PDE7B: variants seen among roughly 807,000 people sequenced by gnomAD.
PDE7B encodes phosphodiesterase 7B, also known as 3',5'-cyclic-AMP phosphodiesterase 7B.
Under a neutral mutation model 56.2 loss-of-function variants are expected in PDE7B, and 29 were observed. The ratio of observed to expected loss-of-function variants is 0.52; its 90% confidence interval spans 0.38 to 0.70. The LOEUF (loss-of-function observed/expected upper bound fraction) is 0.70, where lower values mean the gene tolerates loss of function less well. Among genes scored for constraint, PDE7B ranks in the 30% least tolerant of loss-of-function variants. The pLI is 0.00. For missense variants in PDE7B, 490 were observed against 565.0 expected (o/e 0.87, Z 1.35); for synonymous variants, 197 against 196.9 (o/e 1.00, Z 0.00).
At chr6:135,944,253 C>T (rs534269268) in intron 1 of PDE7B, among the ~76,000 whole-genome samples, 1 of 152,086 alleles carries the variant, frequency 6.6e-6, no homozygotes, top group Non-Finnish European at 1.5e-5. Context: ...CAGGACAGAT[C>T]CTGCAGTTTT....
chr6:136,028,411 G>A (rs912313343), intron 2 of PDE7B, among the ~76,000 whole-genome samples: 3 of 152,228 alleles, frequency 2.0e-5, no homozygotes, highest in Non-Finnish European at 4.4e-5. Flanking sequence ...GAAGGACCAC[G>A]TGAGCAGTAA....
chr6:136,070,977 A>G (rs570136935), intron 2 of PDE7B, among the ~76,000 whole-genome samples: 1 of 152,226 alleles, frequency 6.6e-6, no homozygotes, highest in South Asian at 2.1e-4. Context: ...ACTTCCAAAC[A>G]GAGCCAGCAT....
At chr6:135,934,825 A>ATAAATAAATATATATATTTATT (rs1246721208) in intron 1 of PDE7B, among the ~76,000 whole-genome samples, 1,049 of 68,788 alleles carry the variant, frequency 0.015, 31 homozygotes, top group African/African-American at 0.041. Context: ...TATATATTTA[A>ATAAATAAATATATATATTTATT]TAAATAAATA....
At chr6:136,133,227 TATA>T (rs936757568) in intron 3 of PDE7B, among the ~76,000 whole-genome samples, 3 of 150,020 alleles carry the variant, frequency 2.0e-5, no homozygotes, top group East Asian at 2.0e-4. Flanking sequence ...AAACTTAAAG[TATA>T]ATAATAATAA....
chr6:136,025,751 C>G (rs775827120), intron 2 of PDE7B, among the ~76,000 whole-genome samples: 4 of 152,238 alleles, frequency 2.6e-5, no homozygotes, highest in Non-Finnish European at 5.9e-5. Context: ...AGACACAAGT[C>G]TGTCTTCAGC....
chr6:135,989,354 C>A (rs1371655148), intron 2 of PDE7B, among the ~76,000 whole-genome samples: 2 of 152,208 alleles, frequency 1.3e-5, no homozygotes, highest in African/African-American at 4.8e-5. Flanking sequence ...TGGCTCACGC[C>A]TGTAATCCCA....
chr6:135,886,594 C>T (rs992140557), intron 1 of PDE7B, among the ~76,000 whole-genome samples: 2 of 152,126 alleles, frequency 1.3e-5, no homozygotes, highest in African/African-American at 2.4e-5. Context: ...TAGCTTAGCT[C>T]GCACTTATAA....
At chr6:136,149,614 C>T (rs996967765) in intron 5 of PDE7B, among the ~76,000 whole-genome samples, 3 of 152,026 alleles carry the variant, frequency 2.0e-5, no homozygotes, top group Non-Finnish European at 4.4e-5. Flanking sequence ...AAAACAATTG[C>T]CGAGGAAAGA....
intron 3 of PDE7B, among the ~76,000 whole-genome samples, chr6:136,109,489 A>G (rs1432650454): frequency 6.6e-6 from 1 of 152,236 alleles, no homozygotes; most frequent in Non-Finnish European, 1.5e-5. Context: ...CCTCTTCTAC[A>G]GTTGCCCTTA....
Position 136,154,155 on chromosome 6 carries a change from T to C in PDE7B, c.559T>C (p.Cys187Arg). 1 of 1,612,878 alleles carries C rather than the reference T, an allele frequency of 6.2e-7. No homozygotes were observed. The highest frequency in any genetic ancestry group is 8.5e-7 in the Non-Finnish European group (1 of 1,178,988). ...HAADVTQAMH[C>R]YLKEPKLASF... is the part of the protein sequence containing the mutation. ...AGCCGACGTCACCCAGGCCATGCACTGCTACCTGAAAGAGCCAAAGGTAAG... is the reference window on the plus strand; with the variant it reads ...AGCCGACGTCACCCAGGCCATGCACCGCTACCTGAAAGAGCCAAAGGTAAG... Residue 187 changes from cysteine (C) to arginine (R), a missense_variant, in exon 7 of 13, where the codon TGC becomes CGC. Cys to Arg is a radical substitution (Grantham distance 180, BLOSUM62 -3). Transcript: ENST00000308191.
At chr6:135,937,670 C>T (rs1036282609) in intron 1 of PDE7B, among the ~76,000 whole-genome samples, 1 of 151,940 alleles carries the variant, frequency 6.6e-6, no homozygotes, top group Admixed American at 6.5e-5. Flanking sequence ...ACCCCTTTTT[C>T]CCAAATCTAG....
chr6:136,018,152 A>G (rs184579502), intron 2 of PDE7B, among the ~76,000 whole-genome samples: 2 of 152,328 alleles, frequency 1.3e-5, no homozygotes, highest in Admixed American at 6.5e-5. Context: ...TGAATCTCAC[A>G]GGAATCCCAA....
intron 1 of PDE7B, among the ~76,000 whole-genome samples, chr6:135,933,227 G>T (rs1312780529): frequency 6.6e-6 from 1 of 152,184 alleles, no homozygotes; most frequent in South Asian, 2.1e-4. Flanking sequence ...TATGTCATAT[G>T]TATCTGTGTA....
At chr6:135,902,601 T>C (rs1776024338) in intron 1 of PDE7B, among the ~76,000 whole-genome samples, 2 of 152,204 alleles carry the variant, frequency 1.3e-5, no homozygotes, top group Non-Finnish European at 2.9e-5. Context: ...GATCATCAGA[T>C]GGACAACTGG....
intron 8 of PDE7B, 77 bp from the exon 9 acceptor site, chr6:136,173,720 C>T (rs536115167): frequency 1.1e-5 from 11 of 957,802 alleles, no homozygotes; most frequent in African/African-American, 8.0e-5. Flanking sequence ...TGCTAGCGTC[C>T]GTGGAGCTGT....
At position 136,059,705 on chromosome 6, in the gene PDE7B, C is replaced by T. The variant is rs146884552; in HGVS notation, c.83-49026C>T. Among the ~76,000 whole-genome samples the T allele has an allele frequency of 2.0e-4, 31 of 152,284 alleles. No individual in the cohort carries two copies. In the East Asian group the frequency reaches 4.2e-3, roughly 21 times the overall value. On this transcript the variant is annotated intron_variant, in intron 2 of 12. Coordinates refer to ENST00000308191, the MANE Select transcript of PDE7B (RefSeq NM_018945.4). ...ATCCCAAAGTCTACTCGATTAATCT[C>T]CCCAAAATCATGCTGCTCAGTTTTC... is the stretch of plus-strand genomic sequence containing the variant.
intron 2 of PDE7B, among the ~76,000 whole-genome samples, chr6:135,964,433 C>A (rs1347670817): frequency 6.6e-6 from 1 of 152,062 alleles, no homozygotes; most frequent in East Asian, 1.9e-4. Flanking sequence ...AGTAAATCAT[C>A]ATACTGGAGG....
intron 2 of PDE7B, among the ~76,000 whole-genome samples, chr6:136,090,966 C>G (rs1777375461): frequency 6.6e-6 from 1 of 152,200 alleles, no homozygotes; most frequent in South Asian, 2.1e-4. Flanking sequence ...CTAATCCATT[C>G]CCCTAGCCAA....
intron 2 of PDE7B, chr6:136,012,545 T>C (rs1375119626): frequency 6.6e-6 from 1 of 152,238 alleles, no homozygotes. Context: ...TAATGTCTTT[T>C]CTATTTCCCT....
Sources: allele counts gnomAD v4.1 joint callset (sites outside exome capture counted in the v4.1 genomes callset), GRCh38; gene constraint gnomAD v4.1.1; transcripts MANE v1.5; gene names NCBI Gene and HGNC (gene_info 2026-07-23, HGNC 2026-07-21).